SLC22A15: variants seen among roughly 807,000 people sequenced by gnomAD.
SLC22A15 encodes the protein flipt 1.
SLC22A15 carries 45 observed loss-of-function variants against 62.7 expected under a neutral mutation model. The ratio of observed to expected loss-of-function variants is 0.72; its 90% CI spans 0.56 to 0.92. SLC22A15 has a LOEUF of 0.92. SLC22A15 is among the 40% of genes least tolerant of loss of function. The probability of loss-of-function intolerance (pLI) is 0.00; values close to 1 mark genes in which losing one functional copy is unlikely to be tolerated. For synonymous variants in SLC22A15, 264 were observed against 267.0 expected, an observed-to-expected ratio of 0.99 and a Z score of 0.11; for missense variants, 622 against 665.6, an observed-to-expected ratio of 0.93 and a Z score of 0.72.
Position 116,069,647 on chromosome 1 carries a change from A to T in SLC22A15, c.*2539A>T, listed in dbSNP as rs896905945. ...AAATTTTCTGATTTTGTGAGTTACA[A>T]CCACAGCCCAGTAAAACCAATACTT... On this transcript the variant is annotated 3_prime_UTR_variant, in exon 12 of 12. Transcript: ENST00000369503. 3.3e-5 allele frequency: 5 copies of T among 152,162 alleles called. No individual in the cohort carries two copies. Among genetic ancestry groups the T allele is most frequent in the African/African-American group, 1.2e-4 (5 of 41,454 alleles). The allele number at this position is 152,162 out of a possible 1,614,324, so 9.4% of individuals were successfully genotyped here. A position where few individuals can be genotyped will look rare whatever the true frequency, so the allele number is the denominator to read the frequency against.
rs1418584163 is a variant in SLC22A15 at position 116,067,315 on chromosome 1, G to C, written c.*207G>C. On this transcript the variant is annotated 3_prime_UTR_variant, in exon 12 of 12. Coordinates refer to ENST00000369503, the MANE Select transcript of SLC22A15 (RefSeq NM_018420.3). ...ACAACATCACTGCATTGAGAGAATAGTTGTTAATTTGTTTAGAATTTAAGT... is the reference window on the plus strand; with the variant it reads ...ACAACATCACTGCATTGAGAGAATACTTGTTAATTTGTTTAGAATTTAAGT... 1.9e-6 allele frequency: 1 copy of C among 533,500 alleles called. No individual in the cohort carries two copies. Among genetic ancestry groups the C allele is most frequent in the Non-Finnish European group, 3.3e-6 (1 of 300,992 alleles). The allele number at this position is 533,500 out of a possible 1,614,324, so 33.0% of individuals were successfully genotyped here. A position where few individuals can be genotyped will look rare whatever the true frequency, so the allele number is the denominator to read the frequency against.
chr1:116,022,796 C>T (rs1157285544), intron 4 of SLC22A15, among the ~76,000 whole-genome samples: 1 of 152,108 alleles, frequency 6.6e-6, no homozygotes, highest in East Asian at 1.9e-4. Context: ...ACAGTGAAAC[C>T]ACATGGTTGC....
chr1:116,062,631 T>C lies in SLC22A15; in HGVS notation c.1172-131T>C, dbSNP rs562486824. ...GTGATTACTAAACCTTCTGAATGTGTATTTGGTTACACTATCTCTTTGCTC... is the reference window on the plus strand; with the variant it reads ...GTGATTACTAAACCTTCTGAATGTGCATTTGGTTACACTATCTCTTTGCTC... On this transcript the variant is annotated intron_variant, in intron 8 of 11. Transcript: ENST00000369503. 18 of 1,001,786 alleles carry C rather than the reference T, an allele frequency of 1.8e-5. No individual in the cohort carries two copies. The East Asian group carries it at 2.0e-4, about 11-fold the overall frequency. The allele number at this position is 1,001,786 out of a possible 1,614,324, so 62.1% of individuals were successfully genotyped here.
At chr1:116,052,102 A>G (rs1025008170) in intron 8 of SLC22A15, among the ~76,000 whole-genome samples, 1 of 152,212 alleles carries the variant, frequency 6.6e-6, no homozygotes, top group Non-Finnish European at 1.5e-5. Flanking sequence ...ATGGCTAGGC[A>G]TTGCCTCACT....
rs1170955717 is a variant in SLC22A15, at chr1:115,976,521, C to T, written c.-107C>T. The T allele has an allele frequency of 1.9e-6, 1 of 523,000 alleles. No homozygotes were observed. Among genetic ancestry groups the T allele is most frequent in the Non-Finnish European group, 2.8e-6 (1 of 360,082 alleles). The allele number at this position is 523,000 out of a possible 1,614,324, so 32.4% of individuals were successfully genotyped here. ...CCGCCGCCAGCGCTTCCATCCCCGC[C>T]CCGGCGGGTCCAAGCCGGTGCCGGG... is the stretch of plus-strand genomic sequence containing the variant. On this transcript the variant is annotated 5_prime_UTR_variant, in exon 1 of 12. Coordinates refer to ENST00000369503, the MANE Select transcript of SLC22A15 (RefSeq NM_018420.3).
rs1422459308 is a variant in SLC22A15, at chr1:116,035,238, A to G, written c.996A>G (p.Leu332=). The G allele has an allele frequency of 1.2e-6, 2 of 1,613,298 alleles. No individual in the cohort carries two copies. The highest frequency in any genetic ancestry group is 1.7e-6 in the Non-Finnish European group (2 of 1,179,576). The stretch of plus-strand genomic sequence containing the variant: ...GCCTAACTCTGAGTGCGGGTGATCT[A>G]GGTGGAAGTATTTATGCCAACCTGG... ...YYGLTLSAGD[L]GGSIYANLAL... is the part of the protein sequence containing the mutation. The change falls in exon 7 of 12, where the codon CTA becomes CTG. Residue 332 remains leucine, a synonymous_variant. Coordinates refer to ENST00000369503, the MANE Select transcript of SLC22A15 (RefSeq NM_018420.3).
At chr1:115,980,114 A>AC (rs200832371) in intron 1 of SLC22A15, among the ~76,000 whole-genome samples, 3,654 of 152,186 alleles carry the variant, frequency 0.024, 153 homozygotes, top group African/African-American at 0.084. Flanking sequence ...AGAAGAGGAA[A>AC]CTGTAATAGT....
chr1:116,018,083 G>T (rs934216806), intron 2 of SLC22A15, among the ~76,000 whole-genome samples: 1 of 152,106 alleles, frequency 6.6e-6, no homozygotes, highest in Non-Finnish European at 1.5e-5. Flanking sequence ...CATTCAAATT[G>T]CTGTGTTACC....
At chr1:116,022,554 G>A (rs1347947860) in intron 4 of SLC22A15, among the ~76,000 whole-genome samples, 3 of 152,084 alleles carry the variant, frequency 2.0e-5, no homozygotes, top group Non-Finnish European at 2.9e-5. Context: ...TATAAAAAAC[G>A]TATACCACTC....
At chr1:116,062,659 T>G in intron 8 of SLC22A15, 103 bp from the exon 9 acceptor site, 159 of 1,350,666 alleles carry the variant, frequency 1.2e-4, no homozygotes, top group Non-Finnish European at 1.5e-4. Context: ...CTTTGCTCTT[T>G]GAGATCAACA....
chr1:115,988,294 C>G (rs1654974775), intron 1 of SLC22A15, among the ~76,000 whole-genome samples: 1 of 152,024 alleles, frequency 6.6e-6, no homozygotes, highest in Non-Finnish European at 1.5e-5. Context: ...TGAATGTGTG[C>G]ATGGTAGTTG....
At chr1:116,039,026 GGCAGAT>G (rs937493860) in intron 8 of SLC22A15, among the ~76,000 whole-genome samples, 16 of 152,232 alleles carry the variant, frequency 1.1e-4, no homozygotes, top group African/African-American at 3.9e-4. Flanking sequence ...CCATGGTGAA[GGCAGAT>G]GTATGGTCTC....
chr1:116,021,151 A>G (rs1398268822), intron 4 of SLC22A15, among the ~76,000 whole-genome samples: 1 of 152,202 alleles, frequency 6.6e-6, no homozygotes, highest in Admixed American at 6.5e-5. Flanking sequence ...TGTGGAGACT[A>G]TTGATTTCCT....
At chr1:115,982,511 T>C (rs1654658710) in intron 1 of SLC22A15, among the ~76,000 whole-genome samples, 1 of 152,224 alleles carries the variant, frequency 6.6e-6, no homozygotes, top group Admixed American at 6.5e-5. Flanking sequence ...TATTTTTTAG[T>C]GGCTGTAGCA....
At chr1:116,053,971 C>T (rs1383494721) in intron 8 of SLC22A15, among the ~76,000 whole-genome samples, 1 of 151,932 alleles carries the variant, frequency 6.6e-6, no homozygotes, top group Non-Finnish European at 1.5e-5. Flanking sequence ...TAAAGACCAT[C>T]GAGACTAGGA....
chr1:116,005,147 T>C (rs1655915255), intron 2 of SLC22A15, among the ~76,000 whole-genome samples: 1 of 152,234 alleles, frequency 6.6e-6, no homozygotes, highest in Non-Finnish European at 1.5e-5. Flanking sequence ...TTGATTTTTC[T>C]CTATCGTTTT....
Position 115,976,703 on chromosome 1 carries a change from G to A in SLC22A15, c.76G>A (p.Val26Met). 1.3e-6 allele frequency: 2 copies of A among 1,583,052 alleles called. No individual in the cohort carries two copies. Among genetic ancestry groups the A allele is most frequent in the Non-Finnish European group, 8.6e-7 (1 of 1,166,280 alleles). Residue 26 changes from valine (V) to methionine (M), a missense_variant, in exon 1 of 12, where the codon GTG (valine) becomes ATG (methionine). By Grantham distance (21) the Val-to-Met change is conservative. Transcript: ENST00000369503. ...YQMYLCFLLA[V>M]LLQLYVATEA... Reference sequence around the variant, plus strand: ...GATGTACTTGTGCTTCCTGCTGGCCGTGCTGCTGCAGGTAAGTCCCCGCGG... The same window carrying A: ...GATGTACTTGTGCTTCCTGCTGGCCATGCTGCTGCAGGTAAGTCCCCGCGG...
intron 8 of SLC22A15, among the ~76,000 whole-genome samples, chr1:116,062,303 GCAAA>G (rs1658403443): frequency 6.6e-6 from 1 of 152,208 alleles, no homozygotes; most frequent in Non-Finnish European, 1.5e-5. Context: ...ACCAGAGAAT[GCAAA>G]CTGCATATAA....
At chr1:116,065,011 A>AT (rs879569768) in intron 10 of SLC22A15, among the ~76,000 whole-genome samples, 17 of 150,462 alleles carry the variant, frequency 1.1e-4, no homozygotes, top group African/African-American at 1.9e-4. Flanking sequence ...GTCTGTTAAT[A>AT]TTTTTTTTTT....
Sources: gnomAD v4.1 joint callset for allele counts (sites outside exome capture counted in the v4.1 genomes callset) on GRCh38, gnomAD v4.1.1 for gene constraint, MANE v1.5 for transcripts, NCBI Gene and HGNC (gene_info 2026-07-23, HGNC 2026-07-21) for gene names.